STRIP2: variants seen among roughly 807,000 people sequenced by gnomAD.
STRIP2 encodes the protein striatin-interacting protein 2.
In STRIP2, 84 loss-of-function variants were observed where a neutral mutation model predicts 107.1. That is an observed-to-expected ratio of 0.78 (90% CI 0.66 to 0.94). The LOEUF (loss-of-function observed/expected upper bound fraction) is 0.94, where lower values mean the gene tolerates loss of function less well. Among genes scored for constraint, STRIP2 ranks in the 40% least tolerant of loss-of-function variants. The probability of loss-of-function intolerance (pLI) is 0.00; values close to 1 mark genes in which losing one functional copy is unlikely to be tolerated. For missense variants in STRIP2, 888 were observed against 1,034.2 expected, an observed-to-expected ratio of 0.86 and a Z score of 1.94; for synonymous variants, 394 against 400.4, an observed-to-expected ratio of 0.98 and a Z score of 0.19.
Position 129,488,189 on chromosome 7 carries a change from A to C in STRIP2, c.*2360A>C, listed in dbSNP as rs1615951. 1 of 152,400 alleles carries C rather than the reference A, an allele frequency of 6.6e-6. No individual in the cohort carries two copies. The highest frequency in any genetic ancestry group is 2.4e-5 in the African/African-American group (1 of 41,390). 9.4% of individuals were successfully genotyped at this position (152,400 alleles called of 1,614,324 possible). A position where few individuals can be genotyped will look rare whatever the true frequency, so the allele number is the denominator to read the frequency against. On this transcript the variant is annotated 3_prime_UTR_variant, in exon 21 of 21. Transcript: ENST00000249344. The stretch of plus-strand genomic sequence containing the variant: ...CTCAAAAACAAAGAAGGATATAATA[A>C]AGTTAATATATAAACCATGTATGTG...
intron 16 of STRIP2, 127 bp from the exon 17 acceptor site, chr7:129,467,223 A>G (rs184662205): frequency 2.3e-4 from 161 of 692,830 alleles, no homozygotes; most frequent in Admixed American, 7.2e-4. Context: ...AGGAAGACTG[A>G]TAACACAAGT....
intron 1 of STRIP2, among the ~76,000 whole-genome samples, chr7:129,438,532 C>T (rs140424854): frequency 8.9e-4 from 135 of 152,264 alleles, no homozygotes; most frequent in African/African-American, 3.1e-3. Flanking sequence ...CTGTTATTAT[C>T]CTCATTTTAC....
At chr7:129,444,188 C>A in intron 3 of STRIP2, 90 bp downstream of exon 3, 1 of 854,590 alleles carries the variant, frequency 1.2e-6, no homozygotes, top group Non-Finnish European at 1.9e-6. Flanking sequence ...AAAGTGCGAT[C>A]CTTCATCCCC....
At position 129,463,051 on chromosome 7, in the gene STRIP2, G is replaced by A. The variant is rs1798583766; in HGVS notation, c.1551+11G>A. ...CTTCCGCAGTATATGGTAAGGAGAT[G>A]GCTAGGCCAGAGCTGCCCTTCTCTG... On this transcript the variant is annotated intron_variant, in intron 14 of 20. Transcript: ENST00000249344. The A allele has an allele frequency of 3.1e-6, 5 of 1,608,504 alleles. No homozygotes were observed. Among genetic ancestry groups the A allele is most frequent in the Non-Finnish European group, 4.3e-6 (5 of 1,176,438 alleles).
intron 8 of STRIP2, 76 bp downstream of exon 8, chr7:129,455,447 C>T: frequency 6.6e-7 from 1 of 1,522,316 alleles, no homozygotes; most frequent in Non-Finnish European, 8.8e-7. Context: ...TAGTCTCATT[C>T]CAGGAGGCTG....
chr7:129,464,152 C>T lies in STRIP2; in HGVS notation c.1649+11C>T. ...ACCTGAGGAGATGCCGTGAGTGCTTCAACGGGGGCAGCTGCTGGATACTAG... is the reference window on the plus strand; with the variant it reads ...ACCTGAGGAGATGCCGTGAGTGCTTTAACGGGGGCAGCTGCTGGATACTAG... On this transcript the variant is annotated intron_variant, in intron 15 of 20. Transcript: ENST00000249344. 1 of 1,596,182 alleles carries T rather than the reference C, an allele frequency of 6.3e-7. No individual in the cohort carries two copies. Among genetic ancestry groups the T allele is most frequent in the Non-Finnish European group, 8.6e-7 (1 of 1,167,750 alleles).
rs571478969 is a variant in STRIP2, at chr7:129,466,691, C to G, written c.1777-659C>G. On this transcript the variant is annotated intron_variant, in intron 16 of 20. Transcript: ENST00000249344. ...GAGAGCAGAATGGAGTCTCCACATT[C>G]TGGTATTAAGCCTATCAAAGACACC... is the stretch of plus-strand genomic sequence containing the variant. Among the ~76,000 whole-genome samples, 248 of 152,270 alleles carry G rather than the reference C, an allele frequency of 1.6e-3. 1 individual carries two copies. The highest frequency in any genetic ancestry group is 5.6e-3 in the African/African-American group (234 of 41,540).
rs368934017 is a variant in STRIP2 at position 129,454,446 on chromosome 7, A to G, written c.625A>G (p.Met209Val). Residue 209 changes from methionine (M) to valine (V), a missense_variant, in exon 7 of 21, where the codon ATG (methionine) becomes GTG (valine). Met to Val is a conservative substitution (Grantham distance 21). Coordinates refer to ENST00000249344, the MANE Select transcript of STRIP2 (RefSeq NM_020704.3). Reference protein sequence around the residue: ...LRVLLSVMYLMVENIRLERET... With the variant: ...LRVLLSVMYLVVENIRLERET... ...GGTGCTGCTGAGTGTTATGTACCTA[A>G]TGGTGGAAAATATTCGCCTGGAGCG... The G allele has an allele frequency of 1.2e-6, 2 of 1,613,846 alleles. No homozygotes were observed. Among genetic ancestry groups the G allele is most frequent in the African/African-American group, 2.7e-5 (2 of 74,838 alleles).
At chr7:129,477,667 C>T (rs1267079942) in intron 18 of STRIP2, among the ~76,000 whole-genome samples, 2 of 152,150 alleles carry the variant, frequency 1.3e-5, no homozygotes, top group African/African-American at 2.4e-5. Context: ...TGTCCTTAAT[C>T]TAGCAGTAAT....
intron 18 of STRIP2, 149 bp downstream of exon 18, chr7:129,470,864 G>C: frequency 1.5e-6 from 1 of 685,244 alleles, no homozygotes; most frequent in Non-Finnish European, 2.6e-6. Context: ...GATGCAGCAG[G>C]GGTTTAGAGT....
intron 18 of STRIP2, among the ~76,000 whole-genome samples, chr7:129,472,878 G>A (rs932803192): frequency 5.2e-5 from 7 of 134,264 alleles, no homozygotes; most frequent in South Asian, 2.5e-4. Flanking sequence ...CCTCTGCCTC[G>A]TGAGTCCAAG....
At position 129,485,862 on chromosome 7, in the gene STRIP2, A is replaced by G; in HGVS notation, c.*33A>G. ...CTTGTCAACAAGCATCAATAGATAGAGGTCAGCTCCAATAAACTGTGCTCT... is the reference window on the plus strand; with the variant it reads ...CTTGTCAACAAGCATCAATAGATAGGGGTCAGCTCCAATAAACTGTGCTCT... On this transcript the variant is annotated 3_prime_UTR_variant, in exon 21 of 21. Coordinates refer to ENST00000249344, the MANE Select transcript of STRIP2 (RefSeq NM_020704.3). 1 of 1,610,848 alleles carries G rather than the reference A, an allele frequency of 6.2e-7. No individual in the cohort carries two copies. Among genetic ancestry groups the G allele is most frequent in the Non-Finnish European group, 8.5e-7 (1 of 1,179,000 alleles).
intron 19 of STRIP2, among the ~76,000 whole-genome samples, chr7:129,482,333 T>TTCTCTCTCTCTC (rs61017071): frequency 1.3e-4 from 11 of 87,762 alleles, no homozygotes; most frequent in African/African-American, 4.1e-4. Context: ...AATGGAATAG[T>TTCTCTCTCTCTC]TCTCTCTCTC....
intron 1 of STRIP2, among the ~76,000 whole-genome samples, chr7:129,437,801 G>T (rs822041): frequency 0.1 from 2,917 of 28,834 alleles, 36 homozygotes; most frequent in Non-Finnish European, 0.13. Flanking sequence ...GATTCGCCTT[G>T]TTTTTTTTTG....
At position 129,464,658 on chromosome 7, in the gene STRIP2, C is replaced by A; in HGVS notation, c.1696C>A (p.His566Asn). The change falls in exon 16 of 21, where the codon CAC (histidine) becomes AAC (asparagine). Residue 566 changes from histidine to asparagine, a missense_variant. By Grantham distance (68) the His-to-Asn change is moderately conservative. Coordinates refer to ENST00000249344, the MANE Select transcript of STRIP2 (RefSeq NM_020704.3). ...SMKLGIDVNR[H>N]KEIIVKSIST... The stretch of plus-strand genomic sequence containing the variant: ...GAAGCTGGGCATCGATGTGAACAGG[C>A]ACAAGGAGATTATTGTAAAGAGTAT... The A allele has an allele frequency of 1.2e-6, 2 of 1,613,990 alleles. No individual in the cohort carries two copies. Among genetic ancestry groups the A allele is most frequent in the Non-Finnish European group, 8.5e-7 (1 of 1,179,918 alleles).
intron 18 of STRIP2, among the ~76,000 whole-genome samples, chr7:129,480,075 A>G (rs1799079485): frequency 6.6e-6 from 1 of 152,192 alleles, no homozygotes; most frequent in African/African-American, 2.4e-5. Flanking sequence ...ATTGAGTTAT[A>G]TAGCTTCTGA....
intron 4 of STRIP2, among the ~76,000 whole-genome samples, chr7:129,452,221 G>A (rs1221477144): frequency 6.6e-6 from 1 of 152,172 alleles, no homozygotes. Flanking sequence ...GATGCTGTGA[G>A]TAATTTGGAG....
chr7:129,479,989 T>A (rs1799077050), intron 18 of STRIP2, among the ~76,000 whole-genome samples: 1 of 152,200 alleles, frequency 6.6e-6, no homozygotes, highest in South Asian at 2.1e-4. Flanking sequence ...CTACATGTCA[T>A]CTACTCCTAC....
chr7:129,477,193 AGGGAGG>A lies in STRIP2; in HGVS notation c.1945-3572_1945-3567del, dbSNP rs1231465846. ...AGAGGGAGAGGGAGACCGTGGGGAG[AGGGAGG>A]GGGAGGGGGAGGGGGAGGGAGACTG... On this transcript the variant is annotated intron_variant, in intron 18 of 20. Transcript: ENST00000249344. Among the ~76,000 whole-genome samples the A allele has an allele frequency of 1.1e-3, 27 of 23,538 alleles. 1 individual carries two copies. Among genetic ancestry groups the A allele is most frequent in the African/African-American group, 1.7e-3 (9 of 5,172 alleles). 15.4% of individuals were successfully genotyped at this position (23,538 alleles called of 152,430 possible).
Sources: allele counts gnomAD v4.1 joint callset (sites outside exome capture counted in the v4.1 genomes callset), GRCh38; gene constraint gnomAD v4.1.1; transcripts MANE v1.5; gene names NCBI Gene and HGNC (gene_info 2026-07-23, HGNC 2026-07-21).